MICU3: variants seen among roughly 807,000 people sequenced by gnomAD.
MICU3 encodes the protein mitochondrial calcium uptake 3, also known as calcium uptake protein 3, mitochondrial.
MICU3 carries 62 observed loss-of-function variants against 66.5 expected under a neutral mutation model. The observed-to-expected ratio is 0.93, with a 90% CI of 0.76 to 1.15. The LOEUF is 1.15. Ranked by LOEUF, MICU3 falls within the 50% of genes most tolerant of loss-of-function variation. MICU3 has a pLI of 0.00. For synonymous variants in MICU3, 308 were observed against 240.7 expected, an observed-to-expected ratio of 1.28 and a Z score of -2.59; for missense variants, 779 against 664.4, an observed-to-expected ratio of 1.17 and a Z score of -1.90.
intron 1 of MICU3, among the ~76,000 whole-genome samples, chr8:17,053,346 C>G (rs1048168775): frequency 6.6e-6 from 1 of 152,162 alleles, no homozygotes; most frequent in Non-Finnish European, 1.5e-5. Flanking sequence ...CCTGGGAAAA[C>G]TAGACCTTAA....
At chr8:17,124,104 T>C (rs1020029669), downstream of MICU3, among the ~76,000 whole-genome samples, 1 of 152,114 alleles carries the variant, frequency 6.6e-6, no homozygotes, top group African/African-American at 2.4e-5. Flanking sequence ...GCTTGTTAAG[T>C]ATTTATTGAC....
chr8:17,086,845 A>G, intron 6 of MICU3, 119 bp from the exon 7 acceptor site: 1 of 666,532 alleles, frequency 1.5e-6, no homozygotes, highest in Non-Finnish European at 2.6e-6. Flanking sequence ...TAGCAGTTTA[A>G]ATGTTCTTGG....
chr8:17,118,860 C>A (rs941808257), intron 14 of MICU3, 85 bp downstream of exon 14: 4 of 762,280 alleles, frequency 5.2e-6, no homozygotes, highest in Non-Finnish European at 6.3e-6. Context: ...TAGAAAATAG[C>A]TGAAAGAAAT....
At chr8:17,093,894 A>G (rs1042049434) in intron 8 of MICU3, among the ~76,000 whole-genome samples, 1 of 152,008 alleles carries the variant, frequency 6.6e-6, no homozygotes, top group African/African-American at 2.4e-5. Flanking sequence ...TATAATTAAA[A>G]CGTAAATATA....
chr8:17,065,928 A>C (rs1038354541), intron 2 of MICU3, among the ~76,000 whole-genome samples: 1 of 152,188 alleles, frequency 6.6e-6, no homozygotes, highest in Non-Finnish European at 1.5e-5. Flanking sequence ...TTTAACAAGA[A>C]ACTATGAGAG....
At chr8:17,115,934 G>A (rs2904646) in intron 12 of MICU3, among the ~76,000 whole-genome samples, 94,658 of 151,886 alleles carry the variant, frequency 0.62, 29,821 homozygotes, top group East Asian at 0.88. Context: ...CATCTCTATA[G>A]GCTGAAATTG....
chr8:17,091,232 C>A (rs576780056), intron 8 of MICU3, among the ~76,000 whole-genome samples: 1 of 152,160 alleles, frequency 6.6e-6, no homozygotes, highest in South Asian at 2.1e-4. Flanking sequence ...TTATGCTGAG[C>A]TTTCTTCTTT....
intron 1 of MICU3, among the ~76,000 whole-genome samples, chr8:17,046,057 A>G (rs559093601): frequency 1.3e-5 from 2 of 152,308 alleles, no homozygotes; most frequent in South Asian, 4.1e-4. Context: ...TAAGCCGATA[A>G]ATGTAAGTAA....
At chr8:17,063,767 C>G (rs1467146116) in intron 1 of MICU3, among the ~76,000 whole-genome samples, 17 of 152,060 alleles carry the variant, frequency 1.1e-4, no homozygotes, top group Non-Finnish European at 4.4e-5. Flanking sequence ...TCTAAAAGTA[C>G]CACTGGCTCC....
the MICU3 span, among the ~76,000 whole-genome samples, chr8:17,128,229 TAC>T: frequency 0.28 from 40,652 of 144,038 alleles, 5,818 homozygotes; most frequent in South Asian, 0.41. Flanking sequence ...GAGATCAGTG[TAC>T]ACACACACAC....
Position 17,027,262 on chromosome 8 carries a change from G to C in MICU3, c.-18G>C, listed in dbSNP as rs773916489. On this transcript the variant is annotated 5_prime_UTR_variant, in exon 1 of 15. Coordinates refer to ENST00000318063, the MANE Select transcript of MICU3 (RefSeq NM_181723.3). ...CGTTCTCTGCCCCCTCCCAGCTCTG[G>C]TGTGGGCGGCCTCCGCTATGGCTGC... The C allele has an allele frequency of 3.2e-5, 33 of 1,036,174 alleles. No individual in the cohort carries two copies. The highest frequency in any genetic ancestry group is 3.8e-5 in the Non-Finnish European group (33 of 857,746). The allele number at this position is 1,036,174 out of a possible 1,614,324, so 64.2% of individuals were successfully genotyped here.
chr8:17,090,251 T>C (rs1799910434), intron 7 of MICU3, among the ~76,000 whole-genome samples: 1 of 152,138 alleles, frequency 6.6e-6, no homozygotes, highest in African/African-American at 2.4e-5. Context: ...TCAAACCGCA[T>C]ACTTCAGGAC....
In MICU3 at chr8:17,069,266, G is replaced by A. The variant is rs149841074; in HGVS notation, c.536-422G>A. On this transcript the variant is annotated intron_variant, in intron 2 of 14. Coordinates refer to ENST00000318063, the MANE Select transcript of MICU3 (RefSeq NM_181723.3). ...CTGTGAATTACGTCATGGAACACTA[G>A]TATAGCAAAGATCACAAGTAATACC... Among the ~76,000 whole-genome samples, 148 of 152,110 alleles carry A rather than the reference G, an allele frequency of 9.7e-4. 2 individuals carry two copies. The highest frequency in any genetic ancestry group is 1.6e-3 in the Non-Finnish European group (107 of 67,984).
chr8:17,106,756 C>T (rs1036442748), intron 11 of MICU3, among the ~76,000 whole-genome samples: 1 of 151,288 alleles, frequency 6.6e-6, no homozygotes. Context: ...TACATTACCT[C>T]ATCAATCCTC....
chr8:17,052,118 A>G (rs965163389), intron 1 of MICU3, among the ~76,000 whole-genome samples: 2 of 152,172 alleles, frequency 1.3e-5, no homozygotes, highest in African/African-American at 4.8e-5. Context: ...CAATCAAATA[A>G]TGAGATGATG....
intron 3 of MICU3, among the ~76,000 whole-genome samples, chr8:17,072,825 C>G (rs576654690): frequency 6.6e-6 from 1 of 152,250 alleles, no homozygotes; most frequent in South Asian, 2.1e-4. Context: ...AGAAATCTGA[C>G]AATACCCATA....
At chr8:17,052,295 A>G (rs1160290747) in intron 1 of MICU3, among the ~76,000 whole-genome samples, 1 of 152,170 alleles carries the variant, frequency 6.6e-6, no homozygotes, top group East Asian at 1.9e-4. Context: ...GTATGTAATG[A>G]TCAAATCAAG....
intron 4 of MICU3, among the ~76,000 whole-genome samples, chr8:17,079,226 T>G (rs111481537): frequency 2.0e-5 from 1 of 50,142 alleles, no homozygotes; most frequent in Admixed American, 2.0e-4. Context: ...CTGTCTCTTA[T>G]GGTAGCTACT....
intron 3 of MICU3, among the ~76,000 whole-genome samples, chr8:17,074,053 TG>T (rs781232023): frequency 1.3e-5 from 2 of 151,142 alleles, no homozygotes; most frequent in East Asian, 2.0e-4. Flanking sequence ...TTTTTCTTTT[TG>T]GTTTTTTTTT....
Sources: allele counts gnomAD v4.1 joint callset (sites outside exome capture counted in the v4.1 genomes callset), GRCh38; gene constraint gnomAD v4.1.1; transcripts MANE v1.5; gene names NCBI Gene and HGNC (gene_info 2026-07-23, HGNC 2026-07-21).